TMEM131: variants seen among roughly 807,000 people sequenced by gnomAD.
TMEM131 encodes transmembrane protein 131, also known as 2610524E03Rik.
TMEM131 carries 66 observed loss-of-function variants against 211.6 expected under a neutral mutation model. The observed-to-expected ratio is 0.31, with a 90% CI of 0.26 to 0.38. The LOEUF is 0.38. TMEM131 is among the 10% of genes least tolerant of loss of function. The probability of loss-of-function intolerance (pLI) is 1.00; values close to 1 mark genes in which losing one functional copy is unlikely to be tolerated. For missense variants in TMEM131, 2,036 were observed against 2,299.3 expected, an observed-to-expected ratio of 0.89 and a Z score of 2.34; for synonymous variants, 844 against 841.3, an observed-to-expected ratio of 1.00 and a Z score of -0.06.
At chr2:97,973,177 A>C (rs1365145258) in intron 1 of TMEM131, among the ~76,000 whole-genome samples, 2 of 152,238 alleles carry the variant, frequency 1.3e-5, no homozygotes, top group Non-Finnish European at 2.9e-5. Context: ...TTCTGTACCA[A>C]GAGGTTTAGG....
At chr2:97,887,946 G>A (rs750480576) in intron 4 of TMEM131, 106 bp downstream of exon 4, 23 of 856,408 alleles carry the variant, frequency 2.7e-5, no homozygotes, top group Non-Finnish European at 3.9e-5. Context: ...ACTAGAACAT[G>A]TAACTTTCCC....
chr2:97,956,423 C>T (rs902913067), intron 1 of TMEM131, among the ~76,000 whole-genome samples: 3 of 152,016 alleles, frequency 2.0e-5, no homozygotes, highest in Non-Finnish European at 4.4e-5. Flanking sequence ...ATTTTTACTC[C>T]ATTCTTTAAC....
intron 11 of TMEM131, among the ~76,000 whole-genome samples, chr2:97,819,846 C>G (rs1335192551): frequency 6.6e-6 from 1 of 152,212 alleles, no homozygotes. Context: ...CCCCCTGGAT[C>G]CCTGCCTGCT....
intron 4 of TMEM131, among the ~76,000 whole-genome samples, chr2:97,875,414 T>C (rs181988877): frequency 7.2e-5 from 11 of 152,054 alleles, no homozygotes; most frequent in Admixed American, 3.3e-4. Flanking sequence ...ACAGAATATA[T>C]ATTCTTCTCA....
chr2:97,808,184 T>C lies in TMEM131; in HGVS notation c.2055+1504A>G, dbSNP rs117504354. Among the ~76,000 whole-genome samples, 369 of 152,336 alleles carry C rather than the reference T, an allele frequency of 2.4e-3. 5 individuals carry two copies. In the East Asian group the frequency reaches 0.026, roughly 11 times the overall value. On this transcript the variant is annotated intron_variant, in intron 19 of 40. Coordinates refer to ENST00000186436, the MANE Select transcript of TMEM131 (RefSeq NM_015348.2). ...TAATTTTGTGCATGAAGCAAAGTTT[T>C]GACTGGAACCTGTTACAAGAGGTCA...
At chr2:97,988,462 CA>C (rs1451545196) in intron 1 of TMEM131, among the ~76,000 whole-genome samples, 1 of 152,098 alleles carries the variant, frequency 6.6e-6, no homozygotes, top group Non-Finnish European at 1.5e-5. Context: ...AACTTTTGTT[CA>C]AAGAATATGA....
intron 4 of TMEM131, among the ~76,000 whole-genome samples, chr2:97,859,978 A>T (rs1674001492): frequency 6.6e-6 from 1 of 152,228 alleles, no homozygotes; most frequent in South Asian, 2.1e-4. Context: ...TCTGCGCTTT[A>T]ACCGCCAGTA....
chr2:97,989,979 C>T (rs1040779264), intron 1 of TMEM131, among the ~76,000 whole-genome samples: 3 of 152,220 alleles, frequency 2.0e-5, no homozygotes, highest in African/African-American at 4.8e-5. Flanking sequence ...TTTCTGCCTG[C>T]CGAGGCAAAT....
At chr2:97,919,559 A>C (rs761205830) in intron 2 of TMEM131, among the ~76,000 whole-genome samples, 4 of 152,044 alleles carry the variant, frequency 2.6e-5, no homozygotes, top group East Asian at 1.9e-4. Flanking sequence ...TTTAGAATGT[A>C]TCTCTTTGGC....
chr2:97,925,326 G>A (rs1241942808), intron 2 of TMEM131, among the ~76,000 whole-genome samples: 2 of 152,176 alleles, frequency 1.3e-5, no homozygotes, highest in Non-Finnish European at 2.9e-5. Flanking sequence ...AGTTAGGATG[G>A]GAATGATGGT....
chr2:97,855,366 T>TA (rs1673798131), intron 5 of TMEM131, among the ~76,000 whole-genome samples: 1 of 152,234 alleles, frequency 6.6e-6, no homozygotes, highest in Admixed American at 6.5e-5. Flanking sequence ...CTTATTAATA[T>TA]ACCCAAATAA....
chr2:97,777,770 G>A (rs1258857518), intron 31 of TMEM131, among the ~76,000 whole-genome samples: 2 of 152,076 alleles, frequency 1.3e-5, no homozygotes, highest in Non-Finnish European at 2.9e-5. Flanking sequence ...AATTATAATC[G>A]TGCCACTGTG....
chr2:97,928,324 G>C (rs1247363907), intron 1 of TMEM131, among the ~76,000 whole-genome samples: 1 of 148,984 alleles, frequency 6.7e-6, no homozygotes, highest in Admixed American at 6.6e-5. Context: ...GGAGATCAGG[G>C]GGAGATGGGA....
At chr2:97,980,537 T>C (rs1679741154) in intron 1 of TMEM131, among the ~76,000 whole-genome samples, 1 of 152,168 alleles carries the variant, frequency 6.6e-6, no homozygotes, top group African/African-American at 2.4e-5. Context: ...AACATACAGC[T>C]ACCATAGGAT....
intron 2 of TMEM131, among the ~76,000 whole-genome samples, chr2:97,909,887 C>T (rs915187047): frequency 2.6e-5 from 4 of 152,044 alleles, no homozygotes; most frequent in Admixed American, 6.6e-5. Flanking sequence ...ATTGGTTGAG[C>T]TCTTCTATTT....
chr2:97,795,174 A>G, intron 28 of TMEM131, 59 bp from the exon 29 acceptor site: 2 of 1,257,020 alleles, frequency 1.6e-6, no homozygotes, highest in Non-Finnish European at 2.2e-6. Flanking sequence ...AGCAGTCTGC[A>G]TATAATACTG....
intron 31 of TMEM131, among the ~76,000 whole-genome samples, chr2:97,777,121 C>T (rs951584077): frequency 2.1e-4 from 32 of 152,290 alleles, no homozygotes; most frequent in African/African-American, 7.5e-4. Flanking sequence ...CCTCATGGAG[C>T]TTACAATCCA....
intron 4 of TMEM131, among the ~76,000 whole-genome samples, chr2:97,863,695 A>G (rs72942847): frequency 2.6e-4 from 40 of 152,338 alleles, no homozygotes; most frequent in African/African-American, 9.1e-4. Context: ...CCACAATGAG[A>G]TATCTGATTC....
chr2:97,815,293 T>C lies in TMEM131; in HGVS notation c.1198A>G (p.Lys400Glu). 6.4e-7 allele frequency: 1 copy of C among 1,570,078 alleles called. No homozygotes were observed. Among genetic ancestry groups the C allele is most frequent in the South Asian group, 1.2e-5 (1 of 81,572 alleles). Residue 400 changes from lysine (K) to glutamate (E), a missense_variant, in exon 13 of 41, where the codon AAG (lysine) becomes GAG (glutamate). This residue lies in a region of TMEM131 where 1,623 missense variants were observed against 1,805.9 expected (regional missense o/e 0.90). Transcript: ENST00000186436. ...SISFDASKAK[K>E]PSQFSGKITV... ...ATTTTCCCAGAAAACTGAGATGGCT[T>C]TTTTGCCTTCGATGCTGAAAGGAAG...
Sources: allele counts gnomAD v4.1 joint callset (sites outside exome capture counted in the v4.1 genomes callset), GRCh38; gene constraint gnomAD v4.1.1; regional missense constraint gnomAD v4.1.1; transcripts MANE v1.5; gene names NCBI Gene and HGNC (gene_info 2026-07-23, HGNC 2026-07-21).